Variants in TENM4 observed in about 807,000 individuals in gnomAD.
TENM4 encodes teneurin-4.
TENM4 carries 82 observed loss-of-function variants against 243.3 expected under a neutral mutation model. The ratio of observed to expected loss-of-function variants is 0.34; its 90% CI spans 0.28 to 0.40. The LOEUF (loss-of-function observed/expected upper bound fraction) is 0.40. Among genes scored for constraint, TENM4 ranks in the 10% least tolerant of loss-of-function variants. TENM4 has a pLI of 1.00. For missense variants in TENM4, 3,138 were observed against 3,673.3 expected, an observed-to-expected ratio of 0.85 and a Z score of 3.77; for synonymous variants, 1,412 against 1,456.3, an observed-to-expected ratio of 0.97 and a Z score of 0.69.
intron 2 of TENM4, among the ~76,000 whole-genome samples, chr11:79,280,528 G>A (rs1856138032): frequency 1.3e-5 from 2 of 152,190 alleles, no homozygotes; most frequent in African/African-American, 2.4e-5. Flanking sequence ...ACACAGGGAA[G>A]AAGCGAGCCG....
intron 4 of TENM4, among the ~76,000 whole-genome samples, chr11:79,101,257 G>T (rs1013889766): frequency 1.3e-5 from 2 of 152,226 alleles, no homozygotes; most frequent in Non-Finnish European, 2.9e-5. Context: ...TTTTAAAAGA[G>T]ATATAGGAGA....
At chr11:78,764,197 G>A (rs146481540) in intron 18 of TENM4, among the ~76,000 whole-genome samples, 51 of 152,216 alleles carry the variant, frequency 3.4e-4, no homozygotes, top group African/African-American at 1.2e-3. Context: ...ATGCAGGAGC[G>A]TGCTATTAAA....
At chr11:79,346,337 A>G (rs1372931897) in intron 1 of TENM4, among the ~76,000 whole-genome samples, 1 of 152,172 alleles carries the variant, frequency 6.6e-6, no homozygotes, top group African/African-American at 2.4e-5. Context: ...CTCATTTATA[A>G]AATGAGAATT....
At position 79,028,475 on chromosome 11, in the gene TENM4, T is replaced by C. The variant is rs1308745274; in HGVS notation, c.493+36263A>G. Among the ~76,000 whole-genome samples the C allele has an allele frequency of 2.0e-5, 3 of 152,210 alleles. No individual in the cohort carries two copies. In the East Asian group the frequency reaches 5.8e-4, roughly 29 times the overall value. ...CGGCTGCAACACAGGCCTCAGCCAA[T>C]CTTTTCAAGAGCTCTGGAGCTGGGC... On this transcript the variant is annotated intron_variant, in intron 6 of 33. Coordinates refer to ENST00000278550, the MANE Select transcript of TENM4 (RefSeq NM_001098816.3).
intron 9 of TENM4, among the ~76,000 whole-genome samples, chr11:78,871,088 C>T (rs1213468768): frequency 1.3e-5 from 2 of 152,258 alleles, no homozygotes; most frequent in Non-Finnish European, 2.9e-5. Flanking sequence ...TGTGCTGGTT[C>T]CCAAGTCAAG....
At chr11:78,774,628 A>G (rs899991565) in intron 17 of TENM4, among the ~76,000 whole-genome samples, 3 of 152,222 alleles carry the variant, frequency 2.0e-5, no homozygotes, top group Non-Finnish European at 4.4e-5. Flanking sequence ...AAATAAATCA[A>G]TGAGAGGGAC....
intron 17 of TENM4, among the ~76,000 whole-genome samples, chr11:78,774,397 C>T (rs981640504): frequency 1.3e-5 from 2 of 152,272 alleles, no homozygotes; most frequent in African/African-American, 2.4e-5. Context: ...CTCATGGCTC[C>T]GTGAACATGC....
At chr11:79,212,754 A>C (rs768060324) in intron 3 of TENM4, among the ~76,000 whole-genome samples, 2 of 152,106 alleles carry the variant, frequency 1.3e-5, no homozygotes, top group African/African-American at 2.4e-5. Flanking sequence ...CCTCCTCCAC[A>C]GTGTTTGCAA....
chr11:79,113,633 C>T (rs570239487), intron 4 of TENM4, among the ~76,000 whole-genome samples: 50 of 151,938 alleles, frequency 3.3e-4, no homozygotes, highest in Non-Finnish European at 6.0e-4. Context: ...AATGTTAACT[C>T]TCCCCTTTGC....
intron 28 of TENM4, among the ~76,000 whole-genome samples, chr11:78,695,486 C>T (rs941821154): frequency 1.3e-5 from 2 of 152,132 alleles, no homozygotes; most frequent in African/African-American, 2.4e-5. Flanking sequence ...GCCTCAGCCT[C>T]CCGAGTAGCT....
chr11:78,661,518 C>T lies in TENM4; in HGVS notation c.7482G>A (p.Met2494Ile). Residue 2494 changes from methionine (M) to isoleucine (I), a missense_variant, in exon 33 of 34, where the codon ATG (methionine) becomes ATA (isoleucine). Transcript: ENST00000278550. Reference sequence around the variant, plus strand: ...GCTCGTAGGAGGGTTCCATGGCATCCATGTCTGGTTTGGGATAACCAGGGA... The same window carrying T: ...GCTCGTAGGAGGGTTCCATGGCATCTATGTCTGGTTTGGGATAACCAGGGA... Reference protein sequence around the residue: ...NVIPGYPKPDMDAMEPSYELI... With the variant: ...NVIPGYPKPDIDAMEPSYELI... The T allele has an allele frequency of 6.2e-7, 1 of 1,612,872 alleles. No homozygotes were observed. Among genetic ancestry groups the T allele is most frequent in the Non-Finnish European group, 8.5e-7 (1 of 1,179,522 alleles).
At chr11:78,734,617 C>A (rs1029250796) in intron 20 of TENM4, among the ~76,000 whole-genome samples, 54 of 151,976 alleles carry the variant, frequency 3.6e-4, no homozygotes, top group Non-Finnish European at 7.4e-4. Context: ...ATTTTCAAAG[C>A]CTGTCTTAAT....
chr11:78,865,790 G>A (rs1282581062), intron 9 of TENM4, among the ~76,000 whole-genome samples: 2 of 152,132 alleles, frequency 1.3e-5, no homozygotes, highest in Admixed American at 1.3e-4. Context: ...TGGTACAGGA[G>A]AAGGTGTGTG....
At chr11:79,429,544 T>C (rs754839008) in intron 1 of TENM4, among the ~76,000 whole-genome samples, 8 of 151,466 alleles carry the variant, frequency 5.3e-5, no homozygotes, top group Non-Finnish European at 4.4e-5. Context: ...ACACTTCTAT[T>C]TTCTATTTTC....
chr11:78,792,920 T>A (rs1019733661), intron 15 of TENM4, among the ~76,000 whole-genome samples: 2 of 152,180 alleles, frequency 1.3e-5, no homozygotes, highest in African/African-American at 4.8e-5. Flanking sequence ...ACACTTGTTC[T>A]CTTTCTATGA....
At chr11:78,675,286 G>A (rs1565327503) in intron 30 of TENM4, among the ~76,000 whole-genome samples, 1 of 148,502 alleles carries the variant, frequency 6.7e-6, no homozygotes, top group South Asian at 2.1e-4. Context: ...TTGCTGAAGG[G>A]CAGGGGACTT....
intron 2 of TENM4, among the ~76,000 whole-genome samples, chr11:79,241,659 C>A (rs1234961322): frequency 6.6e-6 from 1 of 152,168 alleles, no homozygotes; most frequent in East Asian, 1.9e-4. Flanking sequence ...CCTGTCACTA[C>A]ACGCAGCATG....
intron 22 of TENM4, among the ~76,000 whole-genome samples, chr11:78,727,429 C>T (rs1440598527): frequency 2.1e-5 from 3 of 141,798 alleles, no homozygotes; most frequent in South Asian, 2.2e-4. Context: ...AGCGAGACTC[C>T]GCCTCAAAAA....
chr11:78,726,244 A>T, intron 22 of TENM4, 22 bp from the exon 23 acceptor site: 3 of 1,612,800 alleles, frequency 1.9e-6, no homozygotes, highest in Non-Finnish European at 2.5e-6. Context: ...AGAATGAGGC[A>T]AAATGCATAA....
Sources: gnomAD v4.1 joint callset for allele counts (sites outside exome capture counted in the v4.1 genomes callset) on GRCh38, gnomAD v4.1.1 for gene constraint, MANE v1.5 for transcripts, NCBI Gene and HGNC (gene_info 2026-07-23, HGNC 2026-07-21) for gene names.